Variants in SEL1L3 observed in about 807,000 individuals in gnomAD.
SEL1L3 encodes the protein protein sel-1 homolog 3.
In SEL1L3, 76 loss-of-function variants were observed where a neutral mutation model predicts 142.8. That is an observed-to-expected ratio of 0.53 (90% CI 0.44 to 0.64). The LOEUF is 0.64. Ranked by LOEUF, SEL1L3 falls within the 30% of genes least tolerant of loss-of-function variation. The probability of loss-of-function intolerance (pLI) is 0.00; values close to 1 mark genes in which losing one functional copy is unlikely to be tolerated. For synonymous variants in SEL1L3, 504 were observed against 519.6 expected, an observed-to-expected ratio of 0.97 and a Z score of 0.41; for missense variants, 1,262 against 1,381.7, an observed-to-expected ratio of 0.91 and a Z score of 1.37.
At position 25,835,212 on chromosome 4, in the gene SEL1L3, C is replaced by A. The variant is rs372621242; in HGVS notation, c.845G>T (p.Arg282Met). ...CCATCCTTACACTGGGTAATCCATC[C>A]TCTGGCGTCGAGTGGCCTCCAGCTC... ...NRELEATRRQRMDYPVFTVSL... is the reference protein window; with the variant it reads ...NRELEATRRQMMDYPVFTVSL... Residue 282 changes from arginine (R) to methionine (M), a missense_variant, in exon 3 of 24, where the codon AGG (arginine) becomes ATG (methionine). Transcript: ENST00000399878. The A allele has an allele frequency of 6.2e-7, 1 of 1,614,016 alleles. No homozygotes were observed. The highest frequency in any genetic ancestry group is 1.7e-5 in the Admixed American group (1 of 60,014).
intron 2 of SEL1L3, 102 bp from the exon 3 acceptor site, chr4:25,835,425 T>C (rs1715755669): frequency 1.6e-6 from 2 of 1,253,890 alleles, no homozygotes; most frequent in Non-Finnish European, 2.2e-6. Context: ...AATCAAACAT[T>C]TAAGTGAGAT....
At chr4:25,766,957 C>T (rs140861591) in intron 19 of SEL1L3, among the ~76,000 whole-genome samples, 3 of 152,248 alleles carry the variant, frequency 2.0e-5, no homozygotes, top group East Asian at 3.9e-4. Flanking sequence ...CAGAGAATTG[C>T]TCCATAATAG....
the SEL1L3 span, among the ~76,000 whole-genome samples, chr4:25,735,596 G>T: frequency 6.6e-6 from 1 of 150,380 alleles, no homozygotes; most frequent in Non-Finnish European, 1.5e-5. Context: ...CTTTTTTTAT[G>T]GTGGACGTTG....
At chr4:25,778,587 A>G (rs1047746904) in intron 16 of SEL1L3, among the ~76,000 whole-genome samples, 3 of 152,178 alleles carry the variant, frequency 2.0e-5, no homozygotes, top group African/African-American at 7.2e-5. Context: ...ATGTAACCAA[A>G]ATGATATACT....
chr4:25,805,593 C>T (rs1010327578), intron 9 of SEL1L3, among the ~76,000 whole-genome samples: 23 of 34,598 alleles, frequency 6.6e-4, no homozygotes, highest in Non-Finnish European at 2.6e-3. Flanking sequence ...TATGATGCTT[C>T]CTTTTACATA....
chr4:25,769,668 T>G (rs539682750), intron 17 of SEL1L3, among the ~76,000 whole-genome samples: 20 of 152,188 alleles, frequency 1.3e-4, no homozygotes, highest in Non-Finnish European at 2.9e-4. Context: ...ATTCTCAAGT[T>G]TCTTTAGAGA....
chr4:25,757,304 T>C (rs1718034288), intron 23 of SEL1L3, among the ~76,000 whole-genome samples: 1 of 151,730 alleles, frequency 6.6e-6, no homozygotes, highest in East Asian at 1.9e-4. Flanking sequence ...AAAATCCTTA[T>C]TTTGAAAAAT....
At chr4:25,762,473 A>C (rs1429931247) in intron 20 of SEL1L3, among the ~76,000 whole-genome samples, 1 of 152,216 alleles carries the variant, frequency 6.6e-6, no homozygotes, top group Non-Finnish European at 1.5e-5. Context: ...ACCACTAATC[A>C]CTGTCTAAGA....
chr4:25,716,756 A>T, the SEL1L3 span, among the ~76,000 whole-genome samples: 2 of 152,240 alleles, frequency 1.3e-5, no homozygotes, highest in African/African-American at 4.8e-5. Flanking sequence ...AAAACATTCA[A>T]ATAATTCTAT....
intron 9 of SEL1L3, among the ~76,000 whole-genome samples, chr4:25,806,122 TC>T (rs1393872452): frequency 1.3e-5 from 2 of 149,760 alleles, no homozygotes; most frequent in African/African-American, 4.9e-5. Context: ...CACTGCAAGC[TC>T]CGCCTCCTGG....
intron 23 of SEL1L3, chr4:25,756,651 C>CTTA: frequency 9.9e-7 from 1 of 1,012,530 alleles, no homozygotes; most frequent in Non-Finnish European, 1.2e-6. Context: ...CAGAAGCAAG[C>CTTA]AGGGCTCCCT....
intron 5 of SEL1L3, among the ~76,000 whole-genome samples, chr4:25,831,839 G>T (rs545064954): frequency 6.6e-6 from 1 of 152,010 alleles, no homozygotes; most frequent in South Asian, 2.1e-4. Context: ...AACTAAGCTC[G>T]CTTTGTGACA....
At chr4:25,762,722 C>T (rs1363393024) in intron 20 of SEL1L3, among the ~76,000 whole-genome samples, 1 of 152,094 alleles carries the variant, frequency 6.6e-6, no homozygotes, top group Non-Finnish European at 1.5e-5. Flanking sequence ...GCTCACCCCT[C>T]TAATCCCAGC....
chr4:25,833,157 G>A lies in SEL1L3; in HGVS notation c.983-47C>T, dbSNP rs149713014. ...ATGAAAATGAGCAAAAAATATCTAC[G>A]AGTGAATGAAGTAGCTAGGCCTTTT... On this transcript the variant is annotated intron_variant, in intron 4 of 23. Coordinates refer to ENST00000399878, the MANE Select transcript of SEL1L3 (RefSeq NM_015187.5). The A allele has an allele frequency of 6.1e-5, 66 of 1,085,472 alleles. No homozygotes were observed. In the African/African-American group the frequency reaches 8.1e-4, roughly 13 times the overall value. 67.2% of individuals were successfully genotyped at this position (1,085,472 alleles called of 1,614,324 possible).
chr4:25,831,041 T>C (rs2109279410), intron 5 of SEL1L3, among the ~76,000 whole-genome samples: 1 of 152,262 alleles, frequency 6.6e-6, no homozygotes, highest in Admixed American at 6.5e-5. Flanking sequence ...GAAGGACAAA[T>C]GGGCTAAAGT....
chr4:25,759,156 C>A, intron 20 of SEL1L3, 88 bp from the exon 21 acceptor site: 1 of 1,460,898 alleles, frequency 6.8e-7, no homozygotes, highest in Non-Finnish European at 9.2e-7. Flanking sequence ...TGTTTACAAC[C>A]TCTAAAATTT....
intron 6 of SEL1L3, among the ~76,000 whole-genome samples, chr4:25,823,995 A>AACGTCTAGAGATTAGTCTCGTCT (rs1414068545): frequency 1.2e-4 from 19 of 152,228 alleles, no homozygotes; most frequent in African/African-American, 4.6e-4. Flanking sequence ...AGCAACATCG[A>AACGTCTAGAGATTAGTCTCGTCT]ACGTCTAGAG....
chr4:25,847,607 G>A lies in SEL1L3; in HGVS notation c.420C>T (p.Thr140=), dbSNP rs1279050800. The change falls in exon 2 of 24, where the codon ACC becomes ACT. Residue 140 remains threonine, a synonymous_variant. Transcript: ENST00000399878. ...KRWKNEKHLH[T]SRTQIVHVKF... The stretch of plus-strand genomic sequence containing the variant: ...TCACATGTACTATTTGTGTCCTGCT[G>A]GTGTGAAGATGTTTCTCATTCTTCC... The A allele has an allele frequency of 1.2e-6, 2 of 1,613,914 alleles. No homozygotes were observed. The highest frequency in any genetic ancestry group is 1.6e-4 in the Middle Eastern group (1 of 6,062).
At chr4:25,803,000 C>T (rs950008483) in intron 10 of SEL1L3, among the ~76,000 whole-genome samples, 16 of 152,212 alleles carry the variant, frequency 1.1e-4, no homozygotes, top group African/African-American at 1.9e-4. Flanking sequence ...CTGGTACAAA[C>T]GGGGATCTTT....
Sources: gnomAD v4.1 joint callset for allele counts (sites outside exome capture counted in the v4.1 genomes callset) on GRCh38, gnomAD v4.1.1 for gene constraint, MANE v1.5 for transcripts, NCBI Gene and HGNC (gene_info 2026-07-23, HGNC 2026-07-21) for gene names.